Variants in CDH13 observed in about 807,000 individuals in gnomAD.
The protein encoded by CDH13 is cadherin-13.
Under a neutral mutation model 63.8 loss-of-function variants are expected in CDH13, and 24 were observed. The ratio of observed to expected loss-of-function variants is 0.38; its 90% CI spans 0.27 to 0.53. The LOEUF is 0.53. Among genes scored for constraint, CDH13 ranks in the 20% least tolerant of loss-of-function variants. CDH13 has a pLI of 0.85. For synonymous variants in CDH13, 503 were observed against 355.3 expected, an observed-to-expected ratio of 1.42 and a Z score of -4.67; for missense variants, 1,049 against 903.1, an observed-to-expected ratio of 1.16 and a Z score of -2.07.
Position 83,472,029 on chromosome 16 carries a change from TG to T in CDH13, c.782-14445del, listed in dbSNP as rs2073467038. The stretch of plus-strand genomic sequence containing the variant: ...GCTTCTTTATCAAACGTGGTGCTTC[TG>T]GGCCATGCCTCTCCCGTCTTTTGAT... On this transcript the variant is annotated intron_variant, in intron 6 of 13. Transcript: ENST00000567109. Among the ~76,000 whole-genome samples, 4 of 152,216 alleles carry T rather than the reference TG, an allele frequency of 2.6e-5. No individual in the cohort carries two copies. In the South Asian group the frequency reaches 8.3e-4, roughly 31 times the overall value.
chr16:83,219,252 C>T (rs771137194), intron 5 of CDH13, among the ~76,000 whole-genome samples: 1 of 152,168 alleles, frequency 6.6e-6, no homozygotes, highest in Non-Finnish European at 1.5e-5. Flanking sequence ...TTTTTGCTAA[C>T]TAGTAATTGC....
intron 10 of CDH13, among the ~76,000 whole-genome samples, chr16:83,684,472 C>T (rs1278758354): frequency 6.6e-6 from 1 of 152,200 alleles, no homozygotes; most frequent in African/African-American, 2.4e-5. Context: ...GGAACTAACG[C>T]TTCCATCAGA....
chr16:82,953,971 C>T (rs1028268744), intron 2 of CDH13: 4 of 152,138 alleles, frequency 2.6e-5, no homozygotes, highest in Non-Finnish European at 5.9e-5. Context: ...CTCTGATTAT[C>T]CCTTATTTCA....
intron 1 of CDH13, among the ~76,000 whole-genome samples, chr16:82,666,278 A>C (rs1912572693): frequency 6.6e-6 from 1 of 152,220 alleles, no homozygotes; most frequent in Non-Finnish European, 1.5e-5. Context: ...TGTTTGTTGT[A>C]CCAATTATGC....
intron 3 of CDH13, among the ~76,000 whole-genome samples, chr16:83,062,082 G>A (rs762276103): frequency 1.3e-5 from 2 of 152,198 alleles, no homozygotes; most frequent in Non-Finnish European, 2.9e-5. Context: ...CAGATGGAGT[G>A]CTGTGGCCTC....
At chr16:83,482,670 G>T (rs995561822) in intron 6 of CDH13, among the ~76,000 whole-genome samples, 14 of 152,230 alleles carry the variant, frequency 9.2e-5, no homozygotes, top group African/African-American at 3.1e-4. Flanking sequence ...CAGCAGATAG[G>T]TTGGGGTTCA....
At chr16:83,163,026 A>G (rs1192954288) in intron 4 of CDH13, among the ~76,000 whole-genome samples, 1 of 152,048 alleles carries the variant, frequency 6.6e-6, no homozygotes, top group Non-Finnish European at 1.5e-5. Flanking sequence ...TGATTGAATC[A>G]TTGAGGCAGG....
intron 4 of CDH13, among the ~76,000 whole-genome samples, chr16:83,144,660 A>T (rs76574019): frequency 0.051 from 7,794 of 152,318 alleles, 654 homozygotes; most frequent in African/African-American, 0.18. Context: ...TTATATTCAG[A>T]CCAGCTATCT....
intron 10 of CDH13, among the ~76,000 whole-genome samples, chr16:83,686,780 A>G (rs142160190): frequency 8.5e-5 from 13 of 152,252 alleles, no homozygotes; most frequent in African/African-American, 2.9e-4. Context: ...AAAAATTTTT[A>G]AGGGCTCAAA....
chr16:83,378,804 C>T (rs995680210), intron 6 of CDH13, among the ~76,000 whole-genome samples: 1 of 152,104 alleles, frequency 6.6e-6, no homozygotes. Flanking sequence ...ACTGTCGTGA[C>T]CATTACCAGA....
intron 4 of CDH13, among the ~76,000 whole-genome samples, chr16:83,142,716 A>G (rs907335930): frequency 3.9e-5 from 6 of 152,174 alleles, no homozygotes; most frequent in African/African-American, 1.4e-4. Context: ...AGCATCTAGG[A>G]TATGTCTGGT....
At chr16:83,677,150 C>A (rs1419443909) in intron 9 of CDH13, among the ~76,000 whole-genome samples, 1 of 152,184 alleles carries the variant, frequency 6.6e-6, no homozygotes, top group East Asian at 1.9e-4. Context: ...CTGACAGAGA[C>A]CCACTCTGGG....
intron 1 of CDH13, among the ~76,000 whole-genome samples, chr16:82,700,566 TA>T (rs2030861556): frequency 6.6e-6 from 1 of 152,000 alleles, no homozygotes; most frequent in Non-Finnish European, 1.5e-5. Context: ...TTTCTATGTG[TA>T]AATGTCCATC....
At chr16:83,020,149 G>A (rs1020221810) in intron 2 of CDH13, among the ~76,000 whole-genome samples, 1 of 152,142 alleles carries the variant, frequency 6.6e-6, no homozygotes, top group African/African-American at 2.4e-5. Flanking sequence ...GCACATGACC[G>A]AATTTGGACA....
At position 83,620,248 on chromosome 16, in the gene CDH13, G is replaced by A. The variant is rs148054800; in HGVS notation, c.1101+17654G>A. 8.0e-4 allele frequency among the ~76,000 whole-genome samples: 122 copies of A among 152,098 alleles called. 1 individual carries two copies. The East Asian group carries it at 0.018, about 22-fold the overall frequency. ...TCTACTGAAAATACAAAAATTAGCC[G>A]GGCGTGGTGGCATGTGCATGTAGCC... On this transcript the variant is annotated intron_variant, in intron 8 of 13. Transcript: ENST00000567109.
At chr16:83,490,695 T>C (rs2073994557) in intron 7 of CDH13, among the ~76,000 whole-genome samples, 1 of 152,200 alleles carries the variant, frequency 6.6e-6, no homozygotes, top group Non-Finnish European at 1.5e-5. Flanking sequence ...GAAATATCTG[T>C]TGAGAGTTGA....
chr16:83,388,182 G>T (rs1269610639), intron 6 of CDH13, among the ~76,000 whole-genome samples: 1 of 151,780 alleles, frequency 6.6e-6, no homozygotes, highest in African/African-American at 2.4e-5. Flanking sequence ...GGCTAGGCAT[G>T]GTGGCTTATG....
At chr16:83,128,343 T>C (rs12447767) in intron 4 of CDH13, among the ~76,000 whole-genome samples, 83,812 of 152,046 alleles carry the variant, frequency 0.55, 23,762 homozygotes, top group Admixed American at 0.61. Context: ...ATGCATATTT[T>C]CATGTCCCAC....
At chr16:83,260,587 T>A (rs996601639) in intron 5 of CDH13, among the ~76,000 whole-genome samples, 2 of 152,130 alleles carry the variant, frequency 1.3e-5, no homozygotes, top group African/African-American at 4.8e-5. Context: ...TGGGAGGGAC[T>A]GAGATTCTGC....
Sources: gnomAD v4.1 joint callset for allele counts (sites outside exome capture counted in the v4.1 genomes callset) on GRCh38, gnomAD v4.1.1 for gene constraint, MANE v1.5 for transcripts, NCBI Gene and HGNC (gene_info 2026-07-23, HGNC 2026-07-21) for gene names.